CREM: variants seen among roughly 807,000 people sequenced by gnomAD.
CREM encodes the protein cAMP-responsive element modulator.
In CREM, 13 loss-of-function variants were observed where a neutral mutation model predicts 37.3. The ratio of observed to expected loss-of-function variants is 0.35; its 90% CI spans 0.23 to 0.55. CREM has a LOEUF of 0.55. Among genes scored for constraint, CREM ranks in the 20% least tolerant of loss-of-function variants. The pLI, the probability that CREM is intolerant of heterozygous loss-of-function variation, is 0.88. For synonymous variants in CREM, 124 were observed against 120.2 expected (o/e 1.03, Z -0.21); for missense variants, 296 against 362.3 (o/e 0.82, Z 1.49).
intron 3 of CREM, among the ~76,000 whole-genome samples, chr10:35,156,623 T>C (rs2092933298): frequency 6.6e-6 from 1 of 152,246 alleles, no homozygotes; most frequent in African/African-American, 2.4e-5. Flanking sequence ...TTAAGAATTA[T>C]ATTTGGAAAA....
chr10:35,187,787 G>A (rs1446796810), intron 5 of CREM, among the ~76,000 whole-genome samples: 1 of 151,430 alleles, frequency 6.6e-6, no homozygotes, highest in African/African-American at 2.4e-5. Flanking sequence ...TCACAGGCAT[G>A]AGCCACCACA....
At chr10:35,162,397 A>C (rs138498644) in intron 3 of CREM, among the ~76,000 whole-genome samples, 43 of 152,340 alleles carry the variant, frequency 2.8e-4, no homozygotes, top group African/African-American at 1.0e-3. Context: ...TGAAAAATGC[A>C]GAGATAGTTG....
intron 3 of CREM, among the ~76,000 whole-genome samples, chr10:35,149,696 A>C (rs185611986): frequency 1.3e-5 from 2 of 152,156 alleles, no homozygotes; most frequent in African/African-American, 4.8e-5. Flanking sequence ...TTCTTGGGTT[A>C]TATTAGGCCA....
At chr10:35,157,950 G>A (rs77556162) in intron 3 of CREM, among the ~76,000 whole-genome samples, 160 of 152,038 alleles carry the variant, frequency 1.1e-3, no homozygotes, top group East Asian at 6.7e-3. Context: ...TACTAATAGT[G>A]AACTACCTGG....
chr10:35,167,672 C>A (rs545836462), intron 3 of CREM: 1 of 1,561,858 alleles, frequency 6.4e-7, no homozygotes, highest in East Asian at 2.2e-5. Context: ...TCAATTGCAT[C>A]ATCTTACCTT....
intron 6 of CREM, among the ~76,000 whole-genome samples, chr10:35,190,336 G>A (rs140513103): frequency 6.6e-6 from 1 of 152,102 alleles, no homozygotes; most frequent in African/African-American, 2.4e-5. Context: ...TATTTGGTGG[G>A]AATTCATTTT....
intron 1 of CREM, among the ~76,000 whole-genome samples, chr10:35,133,285 T>C (rs865952288): frequency 6.6e-6 from 1 of 151,754 alleles, no homozygotes; most frequent in African/African-American, 2.4e-5. Flanking sequence ...TATCTCCAAT[T>C]GTAATATCTA....
chr10:35,209,177 G>C (rs1266201626), intron 7 of CREM: 1 of 368,474 alleles, frequency 2.7e-6, no homozygotes, highest in Admixed American at 6.4e-5. Context: ...CACTTCCTGG[G>C]GAAGTGTGAG....
intron 2 of CREM, among the ~76,000 whole-genome samples, chr10:35,144,167 T>C (rs2091793702): frequency 6.6e-6 from 1 of 152,082 alleles, no homozygotes; most frequent in African/African-American, 2.4e-5. Context: ...TGATGGGAGG[T>C]TACAGTGGAC....
intron 6 of CREM, among the ~76,000 whole-genome samples, chr10:35,205,522 C>T (rs892630111): frequency 6.6e-6 from 1 of 152,118 alleles, no homozygotes; most frequent in Non-Finnish European, 1.5e-5. Context: ...CACTTAAAGA[C>T]ATTCAGTGAC....
At chr10:35,137,281 T>C (rs1176841020) in intron 1 of CREM, among the ~76,000 whole-genome samples, 2 of 152,226 alleles carry the variant, frequency 1.3e-5, no homozygotes, top group Non-Finnish European at 2.9e-5. Context: ...AATAAACTTA[T>C]TTTGTTTGGA....
chr10:35,147,449 A>G (rs1419272893), intron 2 of CREM, among the ~76,000 whole-genome samples: 2 of 152,204 alleles, frequency 1.3e-5, no homozygotes, highest in Non-Finnish European at 2.9e-5. Context: ...AAGAGTCCAT[A>G]TAGAAATCAC....
intron 2 of CREM, among the ~76,000 whole-genome samples, chr10:35,144,001 A>G (rs1421885927): frequency 6.6e-6 from 1 of 152,212 alleles, no homozygotes; most frequent in Non-Finnish European, 1.5e-5. Flanking sequence ...GAAGGAGCTT[A>G]TATCTTAGTG....
intron 1 of CREM, among the ~76,000 whole-genome samples, chr10:35,134,122 C>T (rs1320620690): frequency 4.6e-5 from 7 of 151,192 alleles, no homozygotes; most frequent in Non-Finnish European, 1.5e-5. Flanking sequence ...TCTCGGCTCA[C>T]TGCAATTTCC....
At chr10:35,201,486 G>C in intron 6 of CREM, 1 of 1,551,592 alleles carries the variant, frequency 6.4e-7, no homozygotes, top group Non-Finnish European at 8.7e-7. Context: ...TCACATGGCT[G>C]GTAAGTGGCA....
chr10:35,207,909 A>G (rs1565010885), intron 7 of CREM, among the ~76,000 whole-genome samples: 1 of 152,222 alleles, frequency 6.6e-6, no homozygotes, highest in South Asian at 2.1e-4. Context: ...CTATTTCATC[A>G]GCAGGAGTTA....
Position 35,158,807 on chromosome 10 carries a change from TTGTTGTTTTGTTTG to T in CREM, c.168+10318_168+10331del, listed in dbSNP as rs1259777451. Among the ~76,000 whole-genome samples the T allele has an allele frequency of 1.3e-3, 129 of 96,904 alleles. 5 individuals carry two copies. The highest frequency in any genetic ancestry group is 5.0e-3 in the Middle Eastern group (1 of 200). 63.6% of individuals were successfully genotyped at this position (96,904 alleles called of 152,430 possible). On this transcript the variant is annotated intron_variant, in intron 3 of 7. Transcript: ENST00000685392. Reference sequence around the variant, plus strand: ...GAGTAGCAAATATAGTGTTTTTTTTTTGTTGTTTTGTTTGTTTTTTTTTTTTTTTTACAGACTTA... The same window carrying T: ...GAGTAGCAAATATAGTGTTTTTTTTTTTTTTTTTTTTTTTTTACAGACTTA...
chr10:35,130,657 GAC>G (rs773357991), intron 1 of CREM, among the ~76,000 whole-genome samples: 53 of 152,292 alleles, frequency 3.5e-4, no homozygotes, highest in Admixed American at 6.5e-4. Context: ...GGTATGTTTA[GAC>G]ACACAAATAC....
At chr10:35,156,386 A>G (rs951750506) in intron 3 of CREM, among the ~76,000 whole-genome samples, 2 of 151,976 alleles carry the variant, frequency 1.3e-5, no homozygotes, top group African/African-American at 4.8e-5. Flanking sequence ...AGTAACTAGA[A>G]CTACAGGTGC....
Sources: gnomAD v4.1 joint callset for allele counts (sites outside exome capture counted in the v4.1 genomes callset) on GRCh38, gnomAD v4.1.1 for gene constraint, MANE v1.5 for transcripts, NCBI Gene and HGNC (gene_info 2026-07-23, HGNC 2026-07-21) for gene names.